The following NOTO variants were observed in gnomAD, a reference collection of about 807,000 sequenced individuals.
The protein encoded by NOTO is notochord homeobox.
NOTO carries 19 observed loss-of-function variants against 20.5 expected under a neutral mutation model. The ratio of observed to expected loss-of-function variants is 0.93; its 90% CI spans 0.65 to 1.36. NOTO has a LOEUF of 1.36. NOTO is among the 40% of genes most tolerant of loss of function. NOTO has a pLI of 0.00. For missense variants in NOTO, 369 were observed against 336.2 expected (o/e 1.10, Z -0.76); for synonymous variants, 150 against 150.2 (o/e 1.00, Z 0.01).
chr2:73,202,760 T>G lies in NOTO; in HGVS notation c.94T>G (p.Ser32Ala). 2 of 1,521,260 alleles carry G rather than the reference T, an allele frequency of 1.3e-6. No individual in the cohort carries two copies. Among genetic ancestry groups the G allele is most frequent in the Non-Finnish European group, 1.8e-6 (2 of 1,140,470 alleles). The allele number at this position is 1,521,260 out of a possible 1,614,324, so 94.2% of individuals were successfully genotyped here. The stretch of plus-strand genomic sequence containing the variant: ...CTCTGGCCGCTCTCCGGCGCCCAGG[T>G]CCCCTACTGGCCCGAACACGCCCCG... ...PRSGRSPAPR[S>A]PTGPNTPRAP... The change falls in exon 1 of 3, where the codon TCC becomes GCC. Residue 32 changes from serine to alanine, a missense_variant. Physicochemically the swap from Ser to Ala is moderately conservative, Grantham distance 99. Coordinates refer to ENST00000398468, the MANE Select transcript of NOTO (RefSeq NM_001134462.2).
At chr2:73,207,122 G>A (rs1686099100) in intron 1 of NOTO, among the ~76,000 whole-genome samples, 1 of 152,116 alleles carries the variant, frequency 6.6e-6, no homozygotes, top group African/African-American at 2.4e-5. Context: ...GGAACACACA[G>A]TACAGCCTAC....
intron 1 of NOTO, among the ~76,000 whole-genome samples, chr2:73,204,845 C>G (rs559723115): frequency 6.7e-6 from 1 of 150,368 alleles, no homozygotes; most frequent in African/African-American, 2.5e-5. Context: ...GCTGGAATTA[C>G]AAGCCCCAGC....
chr2:73,204,865 G>C lies in NOTO; in HGVS notation c.382+1817G>C, dbSNP rs190278136. The stretch of plus-strand genomic sequence containing the variant: ...AATTACAAGCCCCAGCACCATGCCC[G>C]GCTAATTTTTTTTATTTTTTTATTT... On this transcript the variant is annotated intron_variant, in intron 1 of 2. Transcript: ENST00000398468. 8.1e-3 allele frequency among the ~76,000 whole-genome samples: 1,100 copies of C among 135,184 alleles called. 15 individuals are homozygous for C. The highest frequency in any genetic ancestry group is 0.03 in the African/African-American group (1,046 of 35,404). The allele number at this position is 135,184 out of a possible 152,430, so 88.7% of individuals were successfully genotyped here.
intron 1 of NOTO, among the ~76,000 whole-genome samples, chr2:73,204,571 C>T (rs1281742299): frequency 6.6e-6 from 1 of 152,202 alleles, no homozygotes; most frequent in Admixed American, 6.5e-5. Flanking sequence ...AAATTCAATA[C>T]CACTGGATCT....
chr2:73,205,381 C>T (rs539985782), intron 1 of NOTO, among the ~76,000 whole-genome samples: 3 of 152,070 alleles, frequency 2.0e-5, no homozygotes, highest in South Asian at 4.2e-4. Context: ...CATGGTGGTG[C>T]GCACCTTGGC....
Position 73,211,033 on chromosome 2 carries a change from G to C in NOTO, c.*104G>C. On this transcript the variant is annotated 3_prime_UTR_variant, in exon 3 of 3. Coordinates refer to ENST00000398468, the MANE Select transcript of NOTO (RefSeq NM_001134462.2). ...CCTCAACGAAAAGCCTCCTCAACCA[G>C]AAGAATCTGAGCTGTCAAGCAGGGA... is the stretch of plus-strand genomic sequence containing the variant. 1 of 900,024 alleles carries C rather than the reference G, an allele frequency of 1.1e-6. No homozygotes were observed. The highest frequency in any genetic ancestry group is 1.7e-6 in the Non-Finnish European group (1 of 604,596). 55.8% of individuals were successfully genotyped at this position (900,024 alleles called of 1,614,324 possible).
Position 73,210,989 on chromosome 2 carries a change from T to C in NOTO, c.*60T>C. The stretch of plus-strand genomic sequence containing the variant: ...ACTAGTTCCTCCTGGGGGTACCCAC[T>C]GGAGCTCCCTGCCTCACACCTCAAC... On this transcript the variant is annotated 3_prime_UTR_variant, in exon 3 of 3. Coordinates refer to ENST00000398468, the MANE Select transcript of NOTO (RefSeq NM_001134462.2). 1 of 1,378,274 alleles carries C rather than the reference T, an allele frequency of 7.3e-7. No homozygotes were observed. Among genetic ancestry groups the C allele is most frequent in the Non-Finnish European group, 9.9e-7 (1 of 1,012,256 alleles). 85.4% of individuals were successfully genotyped at this position (1,378,274 alleles called of 1,614,324 possible). A position where few individuals can be genotyped will look rare whatever the true frequency, so the allele number is the denominator to read the frequency against.
chr2:73,204,453 G>C (rs1015795348), intron 1 of NOTO, among the ~76,000 whole-genome samples: 1 of 152,168 alleles, frequency 6.6e-6, no homozygotes, highest in Non-Finnish European at 1.5e-5. Context: ...TACAAAGATA[G>C]TTGTAACACA....
chr2:73,211,183 A>G lies in NOTO; in HGVS notation c.*254A>G, dbSNP rs953866384. ...CCGAGCCTTTTTTCTTTATCTGTAT[A>G]ATGGGTGCATTCATAACTTAGATCA... On this transcript the variant is annotated 3_prime_UTR_variant, in exon 3 of 3. Transcript: ENST00000398468. 5.7e-5 allele frequency: 25 copies of G among 434,976 alleles called. No homozygotes were observed. The highest frequency in any genetic ancestry group is 3.2e-4 in the African/African-American group (16 of 50,254). The allele number at this position is 434,976 out of a possible 1,614,324, so 26.9% of individuals were successfully genotyped here.
chr2:73,210,422 CCT>C (rs769867092), intron 2 of NOTO, among the ~76,000 whole-genome samples: 16 of 152,318 alleles, frequency 1.1e-4, no homozygotes, highest in Admixed American at 2.6e-4. Context: ...TGCCCAAACC[CCT>C]GTTTGTACCC....
intron 1 of NOTO, among the ~76,000 whole-genome samples, chr2:73,207,928 T>C (rs1206405396): frequency 1.3e-5 from 2 of 152,344 alleles, no homozygotes; most frequent in African/African-American, 4.8e-5. Context: ...ATTTCTAAGA[T>C]GTAAGCTCCA....
rs968124626 is a variant in NOTO, at chr2:73,212,360, T to A, written c.*1431T>A. On this transcript the variant is annotated 3_prime_UTR_variant, in exon 3 of 3. Transcript: ENST00000398468. ...AACGTCCACTTGTTGCCCAGGCTGG[T>A]CTTGAATTCCAGGCTTCAAGTGGTT... 2.0e-5 allele frequency: 3 copies of A among 152,258 alleles called. No homozygotes were observed. Among genetic ancestry groups the A allele is most frequent in the African/African-American group, 7.2e-5 (3 of 41,458 alleles). The allele number at this position is 152,258 out of a possible 1,614,324, so 9.4% of individuals were successfully genotyped here. A position where few individuals can be genotyped will look rare whatever the true frequency, so the allele number is the denominator to read the frequency against.
chr2:73,209,090 G>A (rs1023008577), intron 2 of NOTO, among the ~76,000 whole-genome samples: 1 of 150,280 alleles, frequency 6.7e-6, no homozygotes, highest in African/African-American at 2.5e-5. Flanking sequence ...CAGGAGAATC[G>A]CTTGAGCCTG....
chr2:73,206,201 T>C (rs1686086142), intron 1 of NOTO, among the ~76,000 whole-genome samples: 1 of 152,262 alleles, frequency 6.6e-6, no homozygotes, highest in Non-Finnish European at 1.5e-5. Context: ...CAGCTTAATT[T>C]TTCCCAGATC....
At chr2:73,208,726 G>C (rs1574336068) in intron 2 of NOTO, 112 bp downstream of exon 2, 2 of 693,656 alleles carry the variant, frequency 2.9e-6, no homozygotes, top group East Asian at 5.4e-5. Context: ...CCCTGTGCCA[G>C]GCTGTTGAGG....
At chr2:73,209,521 C>A (rs1020812774) in intron 2 of NOTO, among the ~76,000 whole-genome samples, 12 of 152,134 alleles carry the variant, frequency 7.9e-5, no homozygotes, top group African/African-American at 2.7e-4. Context: ...AGTCAGCCAC[C>A]CCATCCCTTA....
At chr2:73,203,972 GC>G (rs1300598929) in intron 1 of NOTO, among the ~76,000 whole-genome samples, 1 of 130,610 alleles carries the variant, frequency 7.7e-6, no homozygotes, top group African/African-American at 3.4e-5. Context: ...GGTGGCGCGT[GC>G]CTGTAGTCCC....
chr2:73,208,724 C>T, intron 2 of NOTO, 110 bp downstream of exon 2: 2 of 715,980 alleles, frequency 2.8e-6, no homozygotes, highest in South Asian at 3.5e-5. Context: ...TTCCCTGTGC[C>T]AGGCTGTTGA....
At chr2:73,205,962 C>T (rs1005339555) in intron 1 of NOTO, among the ~76,000 whole-genome samples, 3 of 152,168 alleles carry the variant, frequency 2.0e-5, no homozygotes, top group African/African-American at 7.2e-5. Flanking sequence ...ATCTTGAACT[C>T]CTGGGCTCAA....
Sources: gnomAD v4.1 joint callset for allele counts (sites outside exome capture counted in the v4.1 genomes callset) on GRCh38, gnomAD v4.1.1 for gene constraint, MANE v1.5 for transcripts, NCBI Gene and HGNC (gene_info 2026-07-23, HGNC 2026-07-21) for gene names.